Variants in DNAJB9 observed in about 807,000 individuals in gnomAD.
DNAJB9 encodes the protein dnaJ homolog subfamily B member 9.
Under a neutral mutation model 19.2 loss-of-function variants are expected in DNAJB9, and 12 were observed. That is an observed-to-expected ratio of 0.62 (90% confidence interval 0.40 to 1.01). The LOEUF is 1.01. Among genes scored for constraint, DNAJB9 ranks in the 50% least tolerant of loss-of-function variants. The probability of loss-of-function intolerance (pLI) is 0.00; values close to 1 mark genes in which losing one functional copy is unlikely to be tolerated. For synonymous variants in DNAJB9, 83 were observed against 84.0 expected, an observed-to-expected ratio of 0.99 and a Z score of 0.07; for missense variants, 272 against 261.1, an observed-to-expected ratio of 1.04 and a Z score of -0.29.
intron 1 of DNAJB9, 97 bp downstream of exon 1, chr7:108,570,200 C>G (rs1045585185): frequency 1.3e-5 from 2 of 152,846 alleles, no homozygotes; most frequent in African/African-American, 4.8e-5. Context: ...GTGTCCGCCA[C>G]GGTCGCCGCA....
In DNAJB9 at chr7:108,573,401, A is replaced by G. The variant is rs781130127; in HGVS notation, c.*48A>G. On this transcript the variant is annotated 3_prime_UTR_variant, in exon 3 of 3. Transcript: ENST00000249356. ...TCCAACTGGTTGACTCTTCCTCATT[A>G]TCTTTGATGCTAAACAATTTTCTGT... is the stretch of plus-strand genomic sequence containing the variant. 23 of 1,372,726 alleles carry G rather than the reference A, an allele frequency of 1.7e-5. No individual in the cohort carries two copies. The East Asian group carries it at 4.9e-4, about 29-fold the overall frequency. The allele number at this position is 1,372,726 out of a possible 1,614,324, so 85.0% of individuals were successfully genotyped here. A position where few individuals can be genotyped will look rare whatever the true frequency, so the allele number is the denominator to read the frequency against.
Position 108,569,946 on chromosome 7 carries a change from A to C in DNAJB9, c.-168A>C, listed in dbSNP as rs550082947. On this transcript the variant is annotated 5_prime_UTR_variant, in exon 1 of 3. Coordinates refer to ENST00000249356, the MANE Select transcript of DNAJB9 (RefSeq NM_012328.3). ...AGAGGGGACTGGGCGCCGGCGGGGA[A>C]GGAGGAGCGCTAGGTCGGTGTACGA... is the stretch of plus-strand genomic sequence containing the variant. 2 of 344,722 alleles carry C rather than the reference A, an allele frequency of 5.8e-6. No homozygotes were observed. The highest frequency in any genetic ancestry group is 1.1e-5 in the Non-Finnish European group (2 of 180,494). The allele number at this position is 344,722 out of a possible 1,614,324, so 21.4% of individuals were successfully genotyped here.
intron 1 of DNAJB9, 54 bp downstream of exon 1, chr7:108,570,157 C>G (rs374666314): frequency 6.5e-6 from 1 of 154,982 alleles, no homozygotes; most frequent in African/African-American, 2.4e-5. Context: ...TCCCCGTAGC[C>G]CAGGCCTGTC....
rs768744496 is a variant in DNAJB9, at chr7:108,571,762, C to G, written c.36C>G (p.Ile12Met). The G allele has an allele frequency of 4.3e-6, 7 of 1,613,892 alleles. No homozygotes were observed. The highest frequency in any genetic ancestry group is 5.1e-6 in the Non-Finnish European group (6 of 1,179,924). ...ATPQSIFIFA[I>M]CILMITELIL... ...CCCAGTCAATTTTCATCTTTGCAAT[C>G]TGCATTTTAATGATAACAGAATTAA... is the stretch of plus-strand genomic sequence containing the variant. Residue 12 changes from isoleucine to methionine, a missense_variant, in exon 2 of 3, where the codon ATC becomes ATG. Ile to Met is a conservative substitution (Grantham distance 10). Coordinates refer to ENST00000249356, the MANE Select transcript of DNAJB9 (RefSeq NM_012328.3).
chr7:108,572,129 G>A lies in DNAJB9; in HGVS notation c.217+186G>A, dbSNP rs576447877. ...TGCTTTGATTCCTGAATAAATATAT[G>A]AAAGAATAATAGATAATTTTATTGG... On this transcript the variant is annotated intron_variant, in intron 2 of 2. Transcript: ENST00000249356. The A allele has an allele frequency of 1.6e-3, 869 of 541,126 alleles. 1 individual carries two copies. The highest frequency in any genetic ancestry group is 2.4e-3 in the Non-Finnish European group (735 of 308,750). The allele number at this position is 541,126 out of a possible 1,614,324, so 33.5% of individuals were successfully genotyped here.
At chr7:108,570,848 G>C (rs761738805) in intron 1 of DNAJB9, among the ~76,000 whole-genome samples, 1 of 152,052 alleles carries the variant, frequency 6.6e-6, no homozygotes, top group African/African-American at 2.4e-5. Context: ...TGGTGGTCCC[G>C]TATTCAAAAA....
At chr7:108,572,522 C>T (rs969316964) in intron 2 of DNAJB9, among the ~76,000 whole-genome samples, 1 of 152,086 alleles carries the variant, frequency 6.6e-6, no homozygotes, top group East Asian at 1.9e-4. Context: ...AATCTTAATT[C>T]CTATTAATTG....
intron 1 of DNAJB9, among the ~76,000 whole-genome samples, chr7:108,570,571 T>A (rs1790602873): frequency 6.6e-6 from 1 of 152,170 alleles, no homozygotes; most frequent in Non-Finnish European, 1.5e-5. Flanking sequence ...GTGAGGCGCC[T>A]CCCTGTCAGT....
rs745551353 is a variant in DNAJB9 at position 108,573,126 on chromosome 7, T to A, written c.445T>A (p.Ser149Thr). ...TTTCCAGACACGCCAGGATGGTGGTTCCAGTAGACAAAGGCATCATTTCCA... is the reference window on the plus strand; with the variant it reads ...TTTCCAGACACGCCAGGATGGTGGTACCAGTAGACAAAGGCATCATTTCCA... ...NHFQTRQDGG[S>T]SRQRHHFQEF... is the part of the protein sequence containing the mutation. Residue 149 changes from serine to threonine, a missense_variant, in exon 3 of 3, where the codon TCC becomes ACC. Transcript: ENST00000249356. 6 of 1,614,100 alleles carry A rather than the reference T, an allele frequency of 3.7e-6. No individual in the cohort carries two copies. Among genetic ancestry groups the A allele is most frequent in the Non-Finnish European group, 5.1e-6 (6 of 1,179,952 alleles).
At position 108,570,306 on chromosome 7, in the gene DNAJB9, G is replaced by T. The variant is rs147451091; in HGVS notation, c.-11+203G>T. On this transcript the variant is annotated intron_variant, in intron 1 of 2. Transcript: ENST00000249356. ...TTTGGGTTGTGGCGCCGGCTTTCACGGGCGCCGGATTAGAGCCCGGGTCTC... is the reference window on the plus strand; with the variant it reads ...TTTGGGTTGTGGCGCCGGCTTTCACTGGCGCCGGATTAGAGCCCGGGTCTC... Among the ~76,000 whole-genome samples, 1,054 of 152,196 alleles carry T rather than the reference G, an allele frequency of 6.9e-3. 15 individuals carry two copies. The highest frequency in any genetic ancestry group is 0.025 in the African/African-American group (1,023 of 41,508).
chr7:108,573,072 A>C lies in DNAJB9; in HGVS notation c.391A>C (p.Thr131Pro). ...DFGFFGQNQNTGSKKRFENHF... is the reference protein window; with the variant it reads ...DFGFFGQNQNPGSKKRFENHF... ...TGGCTTTTTTGGTCAAAACCAAAAC[A>C]CTGGATCCAAGAAGCGTTTTGAAAA... is the stretch of plus-strand genomic sequence containing the variant. The change falls in exon 3 of 3, where the codon ACT becomes CCT. Residue 131 changes from threonine (T) to proline (P), a missense_variant. Transcript: ENST00000249356. The C allele has an allele frequency of 6.2e-7, 1 of 1,614,102 alleles. No homozygotes were observed. Among genetic ancestry groups the C allele is most frequent in the Non-Finnish European group, 8.5e-7 (1 of 1,179,966 alleles).
chr7:108,572,787 G>A (rs1369603623), intron 2 of DNAJB9, 112 bp from the exon 3 acceptor site: 24 of 853,006 alleles, frequency 2.8e-5, no homozygotes, highest in African/African-American at 1.5e-4. Context: ...TTTCTGATGC[G>A]AAATTCTTCC....
intron 1 of DNAJB9, among the ~76,000 whole-genome samples, chr7:108,570,785 AC>A: frequency 6.6e-6 from 1 of 152,040 alleles, no homozygotes; most frequent in Non-Finnish European, 1.5e-5. Context: ...ATTTCCACAA[AC>A]CGTAGTGTTT....
At chr7:108,572,007 A>G (rs574318446) in intron 2 of DNAJB9, 64 bp downstream of exon 2, 1 of 1,519,592 alleles carries the variant, frequency 6.6e-7, no homozygotes, top group East Asian at 2.3e-5. Flanking sequence ...GATAGCTAAG[A>G]AGTGTTTGTA....
chr7:108,570,721 T>C (rs1790605834), intron 1 of DNAJB9, among the ~76,000 whole-genome samples: 1 of 152,100 alleles, frequency 6.6e-6, no homozygotes, highest in African/African-American at 2.4e-5. Flanking sequence ...AAATAAGTAA[T>C]CTACCTGCCT....
At position 108,571,319 on chromosome 7, in the gene DNAJB9, A is replaced by C. The variant is rs73713155; in HGVS notation, c.-10-398A>C. ...TTTTTAATGTTTTTTTTTTCTGTGA[A>C]GTTAAATACATTATTACTTTCAGGA... On this transcript the variant is annotated intron_variant, in intron 1 of 2. Transcript: ENST00000249356. Among the ~76,000 whole-genome samples the C allele has an allele frequency of 1.9e-3, 284 of 151,590 alleles. 2 individuals are homozygous for C. The highest frequency in any genetic ancestry group is 6.2e-3 in the African/African-American group (255 of 41,284).
rs1240323337 is a variant in DNAJB9, at chr7:108,572,929, G to A, written c.248G>A (p.Arg83Gln). 8.1e-6 allele frequency: 13 copies of A among 1,610,246 alleles called. No homozygotes were observed. The highest frequency in any genetic ancestry group is 2.2e-5 in the East Asian group (1 of 44,822). ...GAAACACTCTCAGATGCTAATAGAC[G>A]AAAAGAGTATGATACACTTGGACAC... Reference protein sequence around the residue: ...AYETLSDANRRKEYDTLGHSA... With the variant: ...AYETLSDANRQKEYDTLGHSA... Residue 83 changes from arginine to glutamine, a missense_variant, in exon 3 of 3, where the codon CGA becomes CAA. Physicochemically the swap from Arg to Gln is conservative, Grantham distance 43 (BLOSUM62 1). Transcript: ENST00000249356.
Position 108,573,195 on chromosome 7 carries a change from G to T in DNAJB9, c.514G>T (p.Asp172Tyr), listed in dbSNP as rs1201815374. Residue 172 changes from aspartate (D) to tyrosine (Y), a missense_variant, in exon 3 of 3, where the codon GAT becomes TAT. Physicochemically the swap from Asp to Tyr is radical, Grantham distance 160. Coordinates refer to ENST00000249356, the MANE Select transcript of DNAJB9 (RefSeq NM_012328.3). The stretch of plus-strand genomic sequence containing the variant: ...TGGATTATTTGATGACATGTTTGAA[G>T]ATATGGAGAAAATGTTTTCTTTTAG... ...GGGLFDDMFE[D>Y]MEKMFSFSGF... 1 of 1,614,010 alleles carries T rather than the reference G, an allele frequency of 6.2e-7. No individual in the cohort carries two copies. Among genetic ancestry groups the T allele is most frequent in the Admixed American group, 1.7e-5 (1 of 60,022 alleles).
In DNAJB9 at chr7:108,571,870, G is replaced by A. The variant is rs1790626775; in HGVS notation, c.144G>A (p.Lys48=). The A allele has an allele frequency of 1.9e-6, 3 of 1,614,124 alleles. No individual in the cohort carries two copies. In the South Asian group the frequency reaches 3.3e-5, roughly 18 times the overall value. The change falls in exon 2 of 3, where the codon AAG becomes AAA. Residue 48 remains lysine, a synonymous_variant. Coordinates refer to ENST00000249356, the MANE Select transcript of DNAJB9 (RefSeq NM_012328.3). ...SERQIKKAFH[K]LAMKYHPDKN... is the part of the protein sequence containing the mutation. Reference sequence around the variant, plus strand: ...GCCAAATCAAGAAGGCCTTTCACAAGTTGGCCATGAAGTACCACCCTGACA... The same window carrying A: ...GCCAAATCAAGAAGGCCTTTCACAAATTGGCCATGAAGTACCACCCTGACA...
Sources: allele counts gnomAD v4.1 joint callset (sites outside exome capture counted in the v4.1 genomes callset), GRCh38; gene constraint gnomAD v4.1.1; transcripts MANE v1.5; gene names NCBI Gene and HGNC (gene_info 2026-07-23, HGNC 2026-07-21).